TACR3: variants seen among roughly 807,000 people sequenced by gnomAD.
TACR3 encodes the protein neuromedin-K receptor.
TACR3 carries 34 observed loss-of-function variants against 35.0 expected under a neutral mutation model. The observed-to-expected ratio is 0.97, with a 90% CI of 0.74 to 1.30. The LOEUF (loss-of-function observed/expected upper bound fraction) is 1.30, where lower values mean the gene tolerates loss of function less well. TACR3 is among the 50% of genes most tolerant of loss of function. The probability of loss-of-function intolerance (pLI) is 0.00; values close to 1 mark genes in which losing one functional copy is unlikely to be tolerated. For missense variants in TACR3, 558 were observed against 591.7 expected (o/e 0.94, Z 0.59); for synonymous variants, 233 against 221.1 (o/e 1.05, Z -0.48).
At chr4:103,678,774 A>G (rs1726226986) in intron 1 of TACR3, among the ~76,000 whole-genome samples, 1 of 143,340 alleles carries the variant, frequency 7.0e-6, no homozygotes, top group South Asian at 2.2e-4. Flanking sequence ...AGATACACTT[A>G]GAAAATAAAA....
intron 1 of TACR3, among the ~76,000 whole-genome samples, chr4:103,716,538 A>G (rs528549532): frequency 5.4e-4 from 82 of 152,226 alleles, no homozygotes; most frequent in African/African-American, 1.9e-3. Flanking sequence ...GGAAAACTCA[A>G]TGCCTTTTAT....
intron 1 of TACR3, among the ~76,000 whole-genome samples, chr4:103,712,753 A>G (rs1007589418): frequency 5.3e-5 from 8 of 152,234 alleles, no homozygotes; most frequent in African/African-American, 1.7e-4. Flanking sequence ...TCCAGAATCT[A>G]CAAAGAACTC....
At chr4:103,608,762 G>C (rs1724442920) in intron 3 of TACR3, among the ~76,000 whole-genome samples, 1 of 152,010 alleles carries the variant, frequency 6.6e-6, no homozygotes, top group Non-Finnish European at 1.5e-5. Flanking sequence ...ACTTTGGGGA[G>C]GTGGACATTT....
chr4:103,593,866 C>T (rs1286720230), intron 3 of TACR3, among the ~76,000 whole-genome samples: 4 of 152,196 alleles, frequency 2.6e-5, no homozygotes, highest in Admixed American at 1.3e-4. Flanking sequence ...TTTTGTGTCT[C>T]CTGATGCTGG....
chr4:103,615,072 T>A (rs2110299716), intron 3 of TACR3, among the ~76,000 whole-genome samples: 1 of 151,772 alleles, frequency 6.6e-6, no homozygotes, highest in African/African-American at 2.4e-5. Context: ...TTTTTTTGTA[T>A]TTTTTAGTAG....
intron 3 of TACR3, among the ~76,000 whole-genome samples, chr4:103,626,299 T>C (rs945468855): frequency 6.6e-6 from 1 of 152,200 alleles, no homozygotes; most frequent in African/African-American, 2.4e-5. Flanking sequence ...CTGGTATCTT[T>C]TACCAATTAC....
At chr4:103,614,431 G>A (rs1483967553) in intron 3 of TACR3, among the ~76,000 whole-genome samples, 1 of 152,066 alleles carries the variant, frequency 6.6e-6, no homozygotes, top group Non-Finnish European at 1.5e-5. Context: ...TAGTGTTGAG[G>A]CAAAGGCTTT....
chr4:103,694,063 A>AT (rs1024052562), intron 1 of TACR3, among the ~76,000 whole-genome samples: 1 of 152,000 alleles, frequency 6.6e-6, no homozygotes, highest in African/African-American at 2.4e-5. Context: ...CACATTAAAA[A>AT]TTTTTTTCTT....
At chr4:103,698,288 A>C (rs761833266) in intron 1 of TACR3, among the ~76,000 whole-genome samples, 4 of 152,118 alleles carry the variant, frequency 2.6e-5, no homozygotes, top group Non-Finnish European at 5.9e-5. Context: ...AATTTACTTC[A>C]TTTATACACC....
chr4:103,664,934 T>C lies in TACR3; in HGVS notation c.549-6531A>G, dbSNP rs540594883. The stretch of plus-strand genomic sequence containing the variant: ...AAGTGATCTTTCTGCCTCAGCTCTC[T>C]GAGTAGCTGAGACTACAGGTGCATG... On this transcript the variant is annotated intron_variant, in intron 1 of 4. Coordinates refer to ENST00000304883, the MANE Select transcript of TACR3 (RefSeq NM_001059.3). Among the ~76,000 whole-genome samples the C allele has an allele frequency of 2.6e-4, 39 of 151,548 alleles. 1 individual carries two copies. The highest frequency in any genetic ancestry group is 9.2e-4 in the African/African-American group (38 of 41,340).
At chr4:103,704,105 C>CAAAAAAAAAAAAAAAAAAAAAAAA (rs59034473) in intron 1 of TACR3, among the ~76,000 whole-genome samples, 1 of 64,632 alleles carries the variant, frequency 1.5e-5, no homozygotes, top group Non-Finnish European at 2.8e-5. Flanking sequence ...CTCTATCTCA[C>CAAAAAAAAAAAAAAAAAAAAAAAA]AAAAAAAAAA....
intron 3 of TACR3, among the ~76,000 whole-genome samples, chr4:103,625,194 G>A (rs1724863039): frequency 6.6e-6 from 1 of 151,978 alleles, no homozygotes. Context: ...ATACATGGAG[G>A]CTGCTAAAAT....
At chr4:103,696,623 AT>A (rs1722525339) in intron 1 of TACR3, among the ~76,000 whole-genome samples, 1 of 151,844 alleles carries the variant, frequency 6.6e-6, no homozygotes, top group South Asian at 2.1e-4. Flanking sequence ...TTTCTTTTTT[AT>A]TTTTTTATGT....
chr4:103,619,927 C>G (rs2110303161), intron 3 of TACR3, among the ~76,000 whole-genome samples: 1 of 152,190 alleles, frequency 6.6e-6, no homozygotes, highest in African/African-American at 2.4e-5. Context: ...TAAAGAGTTT[C>G]TGCACAGCAA....
chr4:103,656,218 A>C lies in TACR3; in HGVS notation c.864T>G (p.His288Gln), dbSNP rs1272025929. The change falls in exon 3 of 5, where the codon CAT becomes CAG. Residue 288 changes from histidine (H) to glutamine (Q), a missense_variant. Transcript: ENST00000304883. ...CCTTTCTTTTGGCCTTTAGCTGCTC[A>C]TGATACTTGTCACAGGTATCTCCTG... is the stretch of plus-strand genomic sequence containing the variant. ...EIPGDTCDKYHEQLKAKRKVV... is the reference protein window; with the variant it reads ...EIPGDTCDKYQEQLKAKRKVV... The C allele has an allele frequency of 6.2e-7, 1 of 1,612,904 alleles. No homozygotes were observed. Among genetic ancestry groups the C allele is most frequent in the Non-Finnish European group, 8.5e-7 (1 of 1,179,276 alleles).
chr4:103,692,689 A>C (rs1042731692), intron 1 of TACR3, among the ~76,000 whole-genome samples: 2 of 152,196 alleles, frequency 1.3e-5, no homozygotes, highest in Non-Finnish European at 2.9e-5. Flanking sequence ...TAACAAATCC[A>C]ATCAGTGGAA....
At position 103,702,887 on chromosome 4, in the gene TACR3, A is replaced by T. The variant is rs1195063204; in HGVS notation, c.548+16241T>A. On this transcript the variant is annotated intron_variant, in intron 1 of 4. Coordinates refer to ENST00000304883, the MANE Select transcript of TACR3 (RefSeq NM_001059.3). ...GGACACAGGAAGGGGAACATCACAC[A>T]CTGGGACCTGTTGTGGGGTGGGGGG... 1.9e-4 allele frequency among the ~76,000 whole-genome samples: 22 copies of T among 118,408 alleles called. 1 individual carries two copies. The Admixed American group carries it at 2.5e-3, about 14-fold the overall frequency. The allele number at this position is 118,408 out of a possible 152,430, so 77.7% of individuals were successfully genotyped here. A position where few individuals can be genotyped will look rare whatever the true frequency, so the allele number is the denominator to read the frequency against.
chr4:103,631,152 G>T (rs1012216496), intron 3 of TACR3, among the ~76,000 whole-genome samples: 4 of 152,080 alleles, frequency 2.6e-5, no homozygotes, highest in African/African-American at 9.7e-5. Context: ...ACAGGGCAGG[G>T]AACATCACAC....
chr4:103,639,459 G>A (rs1373789731), intron 3 of TACR3, among the ~76,000 whole-genome samples: 1 of 151,958 alleles, frequency 6.6e-6, no homozygotes, highest in East Asian at 1.9e-4. Context: ...GGAGAGGGGG[G>A]AGGGATAGCA....
Sources: gnomAD v4.1 joint callset for allele counts (sites outside exome capture counted in the v4.1 genomes callset) on GRCh38, gnomAD v4.1.1 for gene constraint, MANE v1.5 for transcripts, NCBI Gene and HGNC (gene_info 2026-07-23, HGNC 2026-07-21) for gene names.